CFAP20DC: variants seen among roughly 807,000 people sequenced by gnomAD.
CFAP20DC encodes protein CFAP20DC.
Under a neutral mutation model 101.7 loss-of-function variants are expected in CFAP20DC, and 84 were observed. That is an observed-to-expected ratio of 0.83 (90% CI 0.69 to 0.99). The LOEUF (loss-of-function observed/expected upper bound fraction) is 0.99, where lower values mean the gene tolerates loss of function less well. Ranked by LOEUF, CFAP20DC falls within the 50% of genes least tolerant of loss-of-function variation. The pLI is 0.00. For synonymous variants in CFAP20DC, 359 were observed against 351.2 expected, an observed-to-expected ratio of 1.02 and a Z score of -0.25; for missense variants, 1,007 against 970.3, an observed-to-expected ratio of 1.04 and a Z score of -0.50.
At chr3:58,957,623 T>C (rs2090759758) in intron 4 of CFAP20DC, among the ~76,000 whole-genome samples, 1 of 152,164 alleles carries the variant, frequency 6.6e-6, no homozygotes, top group South Asian at 2.1e-4. Context: ...AACAGATTAA[T>C]GGATAAAGAC....
At chr3:58,908,965 T>A (rs1184585551) in intron 6 of CFAP20DC, among the ~76,000 whole-genome samples, 1 of 151,976 alleles carries the variant, frequency 6.6e-6, no homozygotes, top group Admixed American at 6.6e-5. Flanking sequence ...GAAGACAATT[T>A]AAAAAAATGA....
At chr3:58,829,412 A>C (rs2076251216) in intron 14 of CFAP20DC, among the ~76,000 whole-genome samples, 1 of 152,062 alleles carries the variant, frequency 6.6e-6, no homozygotes, top group African/African-American at 2.4e-5. Flanking sequence ...GCAACTTTTA[A>C]AGAGAAAGGC....
chr3:58,858,128 CATTCCAATCATTTGTTCATCT>C (rs1236791926), intron 12 of CFAP20DC, among the ~76,000 whole-genome samples: 1 of 152,214 alleles, frequency 6.6e-6, no homozygotes, highest in Admixed American at 6.5e-5. Context: ...GCCATTTTCA[CATTCCAATCATTTGTTCATCT>C]GTTTCTCAGA....
intron 4 of CFAP20DC, among the ~76,000 whole-genome samples, chr3:59,025,912 G>C (rs2093884101): frequency 6.6e-6 from 1 of 151,656 alleles, no homozygotes; most frequent in African/African-American, 2.4e-5. Context: ...ATTTAGAAAA[G>C]TAAAATGAAC....
chr3:58,992,713 A>G (rs2092981643), intron 4 of CFAP20DC: 1 of 211,298 alleles, frequency 4.7e-6, no homozygotes, highest in African/African-American at 2.4e-5. Context: ...CATTATATAA[A>G]AACATTTGAA....
At chr3:58,808,287 G>A (rs1032293362) in intron 14 of CFAP20DC, among the ~76,000 whole-genome samples, 3 of 152,130 alleles carry the variant, frequency 2.0e-5, no homozygotes, top group Admixed American at 6.5e-5. Flanking sequence ...TTGAAATGAA[G>A]GAAAAAATGT....
chr3:58,781,172 C>T (rs952584006), intron 15 of CFAP20DC, among the ~76,000 whole-genome samples: 1 of 151,606 alleles, frequency 6.6e-6, no homozygotes, highest in African/African-American at 2.4e-5. Context: ...AATTAAACAA[C>T]ATACTTTTGA....
chr3:59,029,182 C>T lies in CFAP20DC; in HGVS notation c.278+10375G>A, dbSNP rs9311692. Among the ~76,000 whole-genome samples, 1,493 of 152,214 alleles carry T rather than the reference C, an allele frequency of 9.8e-3. 27 individuals carry two copies. The highest frequency in any genetic ancestry group is 0.034 in the African/African-American group (1,399 of 41,526). Reference sequence around the variant, plus strand: ...CCACCCATCCTTCCGCCCGTATGTCCGTATTTCAGAGCCTATTACGTGTCA... The same window carrying T: ...CCACCCATCCTTCCGCCCGTATGTCTGTATTTCAGAGCCTATTACGTGTCA... On this transcript the variant is annotated intron_variant, in intron 4 of 16. Coordinates refer to ENST00000482387, the MANE Select transcript of CFAP20DC (RefSeq NM_001394063.1).
At position 58,822,704 on chromosome 3, in the gene CFAP20DC, C is replaced by T. The variant is rs146114410; in HGVS notation, c.2175+8982G>A. 3.5e-3 allele frequency among the ~76,000 whole-genome samples: 537 copies of T among 152,146 alleles called. 5 individuals carry two copies. The highest frequency in any genetic ancestry group is 0.012 in the African/African-American group (506 of 41,526). On this transcript the variant is annotated intron_variant, in intron 14 of 16. Coordinates refer to ENST00000482387, the MANE Select transcript of CFAP20DC (RefSeq NM_001394063.1). ...ACTTTTCAAATAAAAACTGCTGACACGAACACATAGAAAGGTGAACAACTA... is the reference window on the plus strand; with the variant it reads ...ACTTTTCAAATAAAAACTGCTGACATGAACACATAGAAAGGTGAACAACTA...
At position 58,723,297 on chromosome 3, in the gene CFAP20DC, G is replaced by C. The variant is rs562065465; in HGVS notation, c.198-5669C>G. Among the ~76,000 whole-genome samples, 5 of 152,298 alleles carry C rather than the reference G, an allele frequency of 3.3e-5. No homozygotes were observed. In the East Asian group the frequency reaches 9.6e-4, roughly 29 times the overall value. ...ACTTTGTAACATTTGCAATTTCAGA[G>C]GGGTAGAGGTTCCTCCACCTTTCAC... On this transcript the variant is annotated intron_variant, in intron 3 of 3. Transcript: ENST00000486145.
chr3:58,853,746 T>C (rs1413879644), intron 12 of CFAP20DC, among the ~76,000 whole-genome samples: 1 of 152,158 alleles, frequency 6.6e-6, no homozygotes, highest in African/African-American at 2.4e-5. Context: ...CATGATTATC[T>C]CAATAGATGC....
At chr3:59,039,733 C>T in intron 3 of CFAP20DC, 104 bp from the exon 4 acceptor site, 1 of 666,402 alleles carries the variant, frequency 1.5e-6, no homozygotes. Flanking sequence ...TTTAGCATTT[C>T]AGTAATACAT....
At chr3:58,925,475 A>G (rs902316480) in intron 5 of CFAP20DC, among the ~76,000 whole-genome samples, 3 of 152,216 alleles carry the variant, frequency 2.0e-5, no homozygotes, top group African/African-American at 7.2e-5. Context: ...GGTTCATATC[A>G]TCTGGCACAG....
In CFAP20DC at chr3:58,863,597, T is replaced by C. The variant is rs1414837741; in HGVS notation, c.1554A>G (p.Gln518=). 4.3e-6 allele frequency: 7 copies of C among 1,614,180 alleles called. No individual in the cohort carries two copies. The highest frequency in any genetic ancestry group is 5.9e-6 in the Non-Finnish European group (7 of 1,180,034). Residue 518 remains glutamine, a synonymous_variant, in exon 12 of 17, where the codon CAA becomes CAG. Coordinates refer to ENST00000482387, the MANE Select transcript of CFAP20DC (RefSeq NM_001394063.1). The surrounding 1 kb of genome is among the most constrained non-coding windows in gnomAD (Gnocchi z 5.9). Reference sequence around the variant, plus strand: ...CGCCGCCGTAAAAATCATCCTCTGATTGGGTGTCTCTGCTTGTCACACTGT... The same window carrying C: ...CGCCGCCGTAAAAATCATCCTCTGACTGGGTGTCTCTGCTTGTCACACTGT... ...EDNSVTSRDT[Q]SEDDFYGGDS...
rs533970181 is a variant in CFAP20DC at position 58,816,116 on chromosome 3, T to C, written c.2176-9660A>G. On this transcript the variant is annotated intron_variant, in intron 14 of 16. Coordinates refer to ENST00000482387, the MANE Select transcript of CFAP20DC (RefSeq NM_001394063.1). Reference sequence around the variant, plus strand: ...CAAAGACTGGGAACCAACCCAAATGTCCAACAATGATAGACTGGATTAAGA... The same window carrying C: ...CAAAGACTGGGAACCAACCCAAATGCCCAACAATGATAGACTGGATTAAGA... Among the ~76,000 whole-genome samples, 3 of 151,870 alleles carry C rather than the reference T, an allele frequency of 2.0e-5. No individual in the cohort carries two copies. The South Asian group carries it at 6.2e-4, about 32-fold the overall frequency.
chr3:58,770,508 G>A (rs770767891), intron 15 of CFAP20DC, among the ~76,000 whole-genome samples: 6 of 152,144 alleles, frequency 3.9e-5, no homozygotes, highest in Non-Finnish European at 4.4e-5. Flanking sequence ...TTCAGGGAAG[G>A]CTTTCTAGCA....
At chr3:58,727,399 C>G (rs1180752195) in intron 3 of CFAP20DC, 4 of 152,334 alleles carry the variant, frequency 2.6e-5, no homozygotes, top group Non-Finnish European at 4.4e-5. Flanking sequence ...CTATTTAATT[C>G]TGATCAGCTT....
chr3:59,048,215 T>C (rs1200883847), intron 1 of CFAP20DC, among the ~76,000 whole-genome samples: 1 of 152,162 alleles, frequency 6.6e-6, no homozygotes, highest in African/African-American at 2.4e-5. Context: ...TTAAATACGG[T>C]TTGAATTATA....
chr3:58,760,415 CA>C (rs1387631237), intron 15 of CFAP20DC, among the ~76,000 whole-genome samples: 1 of 152,194 alleles, frequency 6.6e-6, no homozygotes, highest in Non-Finnish European at 1.5e-5. Context: ...AGTTGCCTAT[CA>C]GCTTAAGGAG....
Sources: gnomAD v4.1 joint callset for allele counts (sites outside exome capture counted in the v4.1 genomes callset) on GRCh38, gnomAD v4.1.1 for gene constraint, Gnocchi (gnomAD v3.1) non-coding constraint, MANE v1.5 for transcripts, NCBI Gene and HGNC (gene_info 2026-07-23, HGNC 2026-07-21) for gene names.